PARP15: variants seen among roughly 807,000 people sequenced by gnomAD.
PARP15 encodes the protein poly(ADP-ribose) polymerase family member 15.
Under a neutral mutation model 62.1 loss-of-function variants are expected in PARP15, and 50 were observed. That is an observed-to-expected ratio of 0.81 (90% CI 0.64 to 1.02). The LOEUF (loss-of-function observed/expected upper bound fraction) is 1.02. Ranked by LOEUF, PARP15 falls within the 50% of genes least tolerant of loss-of-function variation. The pLI is 0.00. For missense variants in PARP15, 820 were observed against 826.5 expected (o/e 0.99, Z 0.10); for synonymous variants, 309 against 293.1 (o/e 1.05, Z -0.55).
At chr3:122,600,878 A>AC (rs1334271955) in intron 1 of PARP15, among the ~76,000 whole-genome samples, 1 of 149,996 alleles carries the variant, frequency 6.7e-6, no homozygotes, top group Non-Finnish European at 1.5e-5. Flanking sequence ...ATTCTCAAAT[A>AC]CCCCCCTCCC....
chr3:122,604,687 TG>T (rs2107520134), intron 1 of PARP15, among the ~76,000 whole-genome samples: 1 of 152,212 alleles, frequency 6.6e-6, no homozygotes, highest in African/African-American at 2.4e-5. Flanking sequence ...AGATAATTTT[TG>T]TATCTTTGTA....
In PARP15 at chr3:122,621,602, A is replaced by C. The variant is rs775256166; in HGVS notation, c.1222A>C (p.Ile408Leu). Residue 408 changes from isoleucine (I) to leucine (L), a missense_variant, in exon 8 of 12, where the codon ATT becomes CTT. Physicochemically the swap from Ile to Leu is conservative, Grantham distance 5. Around this residue, in one of 3 missense-constraint regions of PARP15, gnomAD observed 731 missense variants for 727.7 expected, o/e 1.00. Transcript: ENST00000464300. ...RKYTSVSLPA[I>L]GTGNAGKNPI... is the part of the protein sequence containing the mutation. ...GTACACATCGGTTTCCCTTCCAGCC[A>C]TTGGAACAGGTTTGCAGCTTATCAT... 1 of 1,593,038 alleles carries C rather than the reference A, an allele frequency of 6.3e-7. No homozygotes were observed. Among genetic ancestry groups the C allele is most frequent in the Admixed American group, 1.8e-5 (1 of 54,290 alleles).
chr3:122,619,890 CT>C, intron 7 of PARP15, 47 bp downstream of exon 7: 2 of 1,510,650 alleles, frequency 1.3e-6, no homozygotes, highest in Non-Finnish European at 1.8e-6. Flanking sequence ...AATCAGAGGG[CT>C]GAGATTACAG....
At chr3:122,618,130 T>TA (rs1936107613) in intron 6 of PARP15, among the ~76,000 whole-genome samples, 2 of 152,198 alleles carry the variant, frequency 1.3e-5, no homozygotes, top group South Asian at 4.1e-4. Flanking sequence ...TGAAAAATAT[T>TA]ATGGAACTTA....
In PARP15 at chr3:122,632,144, A is replaced by G; in HGVS notation, c.1497A>G (p.Leu499=). ...MNHQLFCMVQ[L]EPGQSEYNTI... Reference sequence around the variant, plus strand: ...ATCAGCTGTTTTGCATGGTCCAGCTAGAGCCAGGACAATCAGAATATAATA... The same window carrying G: ...ATCAGCTGTTTTGCATGGTCCAGCTGGAGCCAGGACAATCAGAATATAATA... Residue 499 remains leucine, a synonymous_variant, in exon 10 of 12, where the codon CTA becomes CTG. Transcript: ENST00000464300. 6.2e-7 allele frequency: 1 copy of G among 1,613,846 alleles called. No individual in the cohort carries two copies. Among genetic ancestry groups the G allele is most frequent in the Non-Finnish European group, 8.5e-7 (1 of 1,179,746 alleles).
chr3:122,610,620 G>C lies in PARP15; in HGVS notation c.433G>C (p.Glu145Gln), dbSNP rs1291164754. ...GTTAGATGACAGAAGGCGGGAAACA[G>C]AGGAAAAAGTAGGTAACATATTCAT... Reference protein sequence around the residue: ...KELDDRRRETEEKVGNIFMTS... With the variant: ...KELDDRRRETQEKVGNIFMTS... The change falls in exon 3 of 12, where the codon GAG (glutamate) becomes CAG (glutamine). Residue 145 changes from glutamate to glutamine, a missense_variant. Transcript: ENST00000464300. 1 of 1,551,740 alleles carries C rather than the reference G, an allele frequency of 6.4e-7. No homozygotes were observed. The highest frequency in any genetic ancestry group is 8.7e-7 in the Non-Finnish European group (1 of 1,146,982).
chr3:122,593,120 C>G lies in PARP15; in HGVS notation c.187-12816C>G, dbSNP rs113746944. Among the ~76,000 whole-genome samples, 28 of 30,640 alleles carry G rather than the reference C, an allele frequency of 9.1e-4. No individual in the cohort carries two copies. In the East Asian group the frequency reaches 0.029, roughly 32 times the overall value. The allele number at this position is 30,640 out of a possible 152,430, so 20.1% of individuals were successfully genotyped here. On this transcript the variant is annotated intron_variant, in intron 1 of 11. Transcript: ENST00000464300. ...TCTATCTATCTATCTATCTATCTAT[C>G]TATGTATCTATCTATCATGTATCTA...
chr3:122,584,822 C>T (rs1933290581), intron 1 of PARP15, among the ~76,000 whole-genome samples: 4 of 152,266 alleles, frequency 2.6e-5, no homozygotes, highest in Admixed American at 6.5e-5. Flanking sequence ...AGGTGATCCA[C>T]CCGCCGTGGC....
intron 1 of PARP15, among the ~76,000 whole-genome samples, chr3:122,580,875 C>T (rs982978071): frequency 1.9e-4 from 29 of 152,166 alleles, no homozygotes; most frequent in African/African-American, 6.3e-4. Flanking sequence ...CAGTCAGTGA[C>T]CGACCATGTA....
At chr3:122,596,161 A>G (rs1934324936) in intron 1 of PARP15, among the ~76,000 whole-genome samples, 1 of 151,880 alleles carries the variant, frequency 6.6e-6, no homozygotes, top group Non-Finnish European at 1.5e-5. Context: ...GATCAAGACC[A>G]TCCTGGCCAA....
At chr3:122,603,806 A>T (rs1934978044) in intron 1 of PARP15, among the ~76,000 whole-genome samples, 1 of 152,210 alleles carries the variant, frequency 6.6e-6, no homozygotes, top group Non-Finnish European at 1.5e-5. Context: ...AAATGAAAGT[A>T]TTGCCCAGAA....
In PARP15 at chr3:122,635,845, G is replaced by T; in HGVS notation, c.1782G>T (p.Val594=). ...VSYGKGTYFA[V]DASYSAKDTY... ...ATGGAAAAGGAACCTATTTTGCTGT[G>T]GATGCCAGTTATTCTGCCAAGGACA... Residue 594 remains valine, a synonymous_variant, in exon 12 of 12, where the codon GTG becomes GTT. Transcript: ENST00000464300. 6.2e-7 allele frequency: 1 copy of T among 1,613,918 alleles called. No homozygotes were observed. Among genetic ancestry groups the T allele is most frequent in the Non-Finnish European group, 8.5e-7 (1 of 1,179,918 alleles).
At position 122,635,035 on chromosome 3, in the gene PARP15, A is replaced by C; in HGVS notation, c.1588A>C (p.Asn530His). The C allele has an allele frequency of 6.2e-7, 1 of 1,614,004 alleles. No individual in the cohort carries two copies. Among genetic ancestry groups the C allele is most frequent in the Non-Finnish European group, 8.5e-7 (1 of 1,179,938 alleles). ...YAIEKIERIQ[N>H]AFLWQSYQVK... ...TTACCTGCAGATTGAGAGGATACAG[A>C]ATGCATTTCTCTGGCAGAGCTACCA... Residue 530 changes from asparagine (N) to histidine (H), a missense_variant, in exon 11 of 12, where the codon AAT (asparagine) becomes CAT (histidine). Coordinates refer to ENST00000464300, the MANE Select transcript of PARP15 (RefSeq NM_001113523.3).
At chr3:122,630,205 T>C (rs779917377) in intron 9 of PARP15, among the ~76,000 whole-genome samples, 3 of 152,208 alleles carry the variant, frequency 2.0e-5, no homozygotes, top group Non-Finnish European at 4.4e-5. Context: ...GATAATGACC[T>C]TCCATGTGAT....
intron 8 of PARP15, among the ~76,000 whole-genome samples, chr3:122,624,303 G>A (rs933307831): frequency 9.2e-5 from 14 of 152,114 alleles, no homozygotes; most frequent in Non-Finnish European, 1.5e-4. Context: ...CTTACTGTAC[G>A]TTCTAGGTGT....
At chr3:122,599,040 T>C (rs9818070) in intron 1 of PARP15, among the ~76,000 whole-genome samples, 141,970 of 152,200 alleles carry the variant, frequency 0.93, 66,499 homozygotes, top group Non-Finnish European at 0.98. Context: ...GGACTTCAGG[T>C]GTGCGCCACC....
At chr3:122,611,585 C>T (rs532822312) in intron 3 of PARP15, among the ~76,000 whole-genome samples, 11 of 152,226 alleles carry the variant, frequency 7.2e-5, no homozygotes, top group Admixed American at 1.3e-4. Flanking sequence ...GTGATCCACC[C>T]GCCTCAGCCT....
At chr3:122,604,625 C>T (rs924728644) in intron 1 of PARP15, among the ~76,000 whole-genome samples, 5 of 152,012 alleles carry the variant, frequency 3.3e-5, no homozygotes, top group South Asian at 2.1e-4. Context: ...GAGGCTGAGG[C>T]GGGCAGATCA....
chr3:122,615,285 G>A, intron 4 of PARP15: 1 of 1,289,162 alleles, frequency 7.8e-7, no homozygotes, highest in Non-Finnish European at 1.0e-6. Context: ...TTTTCATTCA[G>A]GAGGCTTTGG....
Sources: allele counts gnomAD v4.1 joint callset (sites outside exome capture counted in the v4.1 genomes callset), GRCh38; gene constraint gnomAD v4.1.1; regional missense constraint gnomAD v4.1.1; transcripts MANE v1.5; gene names NCBI Gene and HGNC (gene_info 2026-07-23, HGNC 2026-07-21).